KDM4B: variants seen among roughly 807,000 people sequenced by gnomAD.
KDM4B encodes lysine demethylase 4B, also known as lysine-specific demethylase 4B.
Under a neutral mutation model 125.2 loss-of-function variants are expected in KDM4B, and 32 were observed. The observed-to-expected ratio is 0.26, with a 90% CI of 0.19 to 0.34. KDM4B has a LOEUF of 0.34. Among genes scored for constraint, KDM4B ranks in the 10% least tolerant of loss-of-function variants. KDM4B has a pLI of 1.00. For missense variants in KDM4B, 1,190 were observed against 1,577.7 expected (o/e 0.75, Z 4.16); for synonymous variants, 721 against 677.9 (o/e 1.06, Z -0.99).
rs993122546 is a variant in KDM4B at position 5,142,984 on chromosome 19, G to A, written c.2551-983G>A. On this transcript the variant is annotated intron_variant, in intron 18 of 22. Coordinates refer to ENST00000159111, the MANE Select transcript of KDM4B (RefSeq NM_015015.3). The surrounding 1 kb of genome is among the most constrained non-coding windows in gnomAD (Gnocchi z 5.4). Reference sequence around the variant, plus strand: ...CTCAAGGGATGAAAGGTGGCTCTCCGGTGCTCCCTCCTCACCAAGGAGGCT... The same window carrying A: ...CTCAAGGGATGAAAGGTGGCTCTCCAGTGCTCCCTCCTCACCAAGGAGGCT... Among the ~76,000 whole-genome samples the A allele has an allele frequency of 6.6e-6, 1 of 151,986 alleles. No individual in the cohort carries two copies.
rs776843876 is a variant in KDM4B, at chr19:5,137,602, G to T, written c.2386-19G>T. ...CCTGCTCCGAGCCCTGCTCATCCAG[G>T]GCTGTCTGGTCTCCACAGGAGTGCT... On this transcript the variant is annotated intron_variant, in intron 16 of 22. Transcript: ENST00000159111. 1.2e-6 allele frequency: 2 copies of T among 1,602,226 alleles called. No homozygotes were observed. Among genetic ancestry groups the T allele is most frequent in the South Asian group, 2.2e-5 (2 of 89,746 alleles).
At chr19:5,005,558 C>T (rs925868226) in intron 1 of KDM4B, among the ~76,000 whole-genome samples, 36 of 152,270 alleles carry the variant, frequency 2.4e-4, no homozygotes, top group African/African-American at 8.7e-4. Flanking sequence ...GCCTCACCCT[C>T]CTCCGGGCCT....
intron 20 of KDM4B, 53 bp downstream of exon 20, chr19:5,144,465 A>G: frequency 8.2e-7 from 1 of 1,224,076 alleles, no homozygotes; most frequent in East Asian, 3.8e-5. Context: ...CACAGCGACA[A>G]CCTGTACCCT....
chr19:5,071,478 C>T lies in KDM4B; in HGVS notation c.676+419C>T, dbSNP rs189743285. Among the ~76,000 whole-genome samples, 879 of 152,354 alleles carry T rather than the reference C, an allele frequency of 5.8e-3. 9 individuals carry two copies. The highest frequency in any genetic ancestry group is 0.02 in the African/African-American group (830 of 41,576). Reference sequence around the variant, plus strand: ...ATTCAGCCAGCAGTCCGCTTACCTGCGGGGGAGCAGACATGGTGGCCGCAC... The same window carrying T: ...ATTCAGCCAGCAGTCCGCTTACCTGTGGGGGAGCAGACATGGTGGCCGCAC... On this transcript the variant is annotated intron_variant, in intron 7 of 22. Transcript: ENST00000159111.
At chr19:4,996,750 G>C (rs1291311260) in intron 1 of KDM4B, among the ~76,000 whole-genome samples, 1 of 152,156 alleles carries the variant, frequency 6.6e-6, no homozygotes, top group African/African-American at 2.4e-5. Context: ...TGAGTTGCCA[G>C]TTCATAGCCT....
At chr19:4,973,840 A>C (rs1308536937) in intron 1 of KDM4B, among the ~76,000 whole-genome samples, 7 of 151,482 alleles carry the variant, frequency 4.6e-5, no homozygotes, top group African/African-American at 1.7e-4. Flanking sequence ...AAAAAAAAAA[A>C]AAAAACTGGC....
At chr19:5,050,048 A>G (rs1224288737) in intron 6 of KDM4B, among the ~76,000 whole-genome samples, 2 of 152,220 alleles carry the variant, frequency 1.3e-5, no homozygotes, top group South Asian at 2.1e-4. Flanking sequence ...CTCCCAGCCA[A>G]GAGATCACCA....
In KDM4B at chr19:5,035,467, G is replaced by T. The variant is rs141587293; in HGVS notation, c.141+2436G>T. Among the ~76,000 whole-genome samples the T allele has an allele frequency of 6.6e-6, 1 of 152,112 alleles. No homozygotes were observed. The highest frequency in any genetic ancestry group is 1.9e-4 in the East Asian group (1 of 5,154). ...CCGGGCTCCATGCCCCGGTGTTTCC[G>T]GCTCTCTCTGCCCTCCACGTGGCGG... On this transcript the variant is annotated intron_variant, in intron 3 of 22. Coordinates refer to ENST00000159111, the MANE Select transcript of KDM4B (RefSeq NM_015015.3). This position sits in a 1 kb window ranked among gnomAD's most constrained non-coding sequence, Gnocchi z 5.3.
chr19:5,017,662 T>C (rs1365887712), intron 2 of KDM4B, among the ~76,000 whole-genome samples: 2 of 152,224 alleles, frequency 1.3e-5, no homozygotes, highest in East Asian at 3.8e-4. Context: ...AAAACTCAGC[T>C]GTTTTCTTTG....
chr19:5,045,337 CTG>C (rs1408800261), intron 5 of KDM4B, among the ~76,000 whole-genome samples: 2 of 152,230 alleles, frequency 1.3e-5, no homozygotes, highest in African/African-American at 4.8e-5. Flanking sequence ...TGTTTGCCAT[CTG>C]TGTGTTTCCT....
chr19:5,101,524 C>G (rs910878153), intron 9 of KDM4B, among the ~76,000 whole-genome samples: 4 of 150,100 alleles, frequency 2.7e-5, no homozygotes, highest in Non-Finnish European at 5.9e-5. Context: ...TAGAGTAAGA[C>G]TGTCTGAAAA....
rs2146127693 is a variant in KDM4B at position 5,151,483 on chromosome 19, T to C, written c.3263T>C (p.Val1088Ala). ...YVAFVESLLQ[V>A]QGRPGAPF is the part of the protein sequence containing the mutation. The stretch of plus-strand genomic sequence containing the variant: ...GCCTTCGTGGAGAGCCTCCTGCAGG[T>C]GCAGGGCCGGCCCGGAGCCCCCTTC... The change falls in exon 23 of 23, where the codon GTG (valine) becomes GCG (alanine). Residue 1088 changes from valine (V) to alanine (A), a missense_variant. Transcript: ENST00000159111. The C allele has an allele frequency of 6.8e-7, 1 of 1,480,350 alleles. No individual in the cohort carries two copies. Among genetic ancestry groups the C allele is most frequent in the African/African-American group, 1.4e-5 (1 of 69,404 alleles). The allele number at this position is 1,480,350 out of a possible 1,614,324, so 91.7% of individuals were successfully genotyped here. A position where few individuals can be genotyped will look rare whatever the true frequency, so the allele number is the denominator to read the frequency against.
chr19:5,124,323 T>C (rs368878200), intron 11 of KDM4B, among the ~76,000 whole-genome samples: 66 of 152,234 alleles, frequency 4.3e-4, no homozygotes, highest in South Asian at 3.3e-3. Flanking sequence ...GGCAGGCTGC[T>C]GCCGCCGCCG....
In KDM4B at chr19:5,135,501, G is replaced by A. The variant is rs766027488; in HGVS notation, c.2248G>A (p.Gly750Ser). The A allele has an allele frequency of 3.7e-6, 6 of 1,611,720 alleles. No individual in the cohort carries two copies. Among genetic ancestry groups the A allele is most frequent in the Admixed American group, 1.7e-5 (1 of 59,896 alleles). Residue 750 changes from glycine to serine, a missense_variant, in exon 15 of 23, where the codon GGC (glycine) becomes AGC (serine). By Grantham distance (56) the Gly-to-Ser change is moderately conservative. Coordinates refer to ENST00000159111, the MANE Select transcript of KDM4B (RefSeq NM_015015.3). ...GCCGCTGCCTGCCAACTCCTACATCGGCGACGACGGGACCAGCCCCCTGAT... is the reference window on the plus strand; with the variant it reads ...GCCGCTGCCTGCCAACTCCTACATCAGCGACGACGGGACCAGCCCCCTGAT... ...TEPLPANSYI[G>S]DDGTSPLIAC...
intron 1 of KDM4B, among the ~76,000 whole-genome samples, chr19:5,001,603 G>A (rs1261092981): frequency 2.0e-5 from 3 of 152,186 alleles, no homozygotes; most frequent in African/African-American, 7.2e-5. Context: ...GTAGATTTTC[G>A]TGAGTGGGAT....
rs1599577915 is a variant in KDM4B at position 5,082,524 on chromosome 19, G to C, written c.918+20G>C. The C allele has an allele frequency of 2.5e-6, 4 of 1,575,326 alleles. No homozygotes were observed. In the East Asian group the frequency reaches 9.0e-5, roughly 35 times the overall value. On this transcript the variant is annotated intron_variant, in intron 9 of 22. Coordinates refer to ENST00000159111, the MANE Select transcript of KDM4B (RefSeq NM_015015.3). The surrounding 1 kb of genome is among the most constrained non-coding windows in gnomAD (Gnocchi z 5.4). ...ACTCAGGTAAAAGCTTGCCTGCTGG[G>C]AACGGGTCCCAGCAGGGCGGGAGGA...
chr19:5,093,489 C>A (rs906470752), intron 9 of KDM4B, among the ~76,000 whole-genome samples: 1 of 152,172 alleles, frequency 6.6e-6, no homozygotes, highest in African/African-American at 2.4e-5. Flanking sequence ...ACGCGGCTGC[C>A]GAGCACTTCC....
In KDM4B at chr19:5,055,875, C is replaced by T. The variant is rs560057304; in HGVS notation, c.626+8206C>T. 2.4e-4 allele frequency among the ~76,000 whole-genome samples: 36 copies of T among 152,276 alleles called. No individual in the cohort carries two copies. The South Asian group carries it at 2.5e-3, about 11-fold the overall frequency. ...ACCACAGAGAGTTCCCCACCGGGTT[C>T]CCTGTTATGAGCATTCTATATCAAT... On this transcript the variant is annotated intron_variant, in intron 6 of 22. Transcript: ENST00000159111.
At chr19:5,086,950 C>T (rs2038521639) in intron 9 of KDM4B, among the ~76,000 whole-genome samples, 1 of 152,262 alleles carries the variant, frequency 6.6e-6, no homozygotes, top group Admixed American at 6.5e-5. Flanking sequence ...GATCTCCCTG[C>T]AGCAGGTGGC....
Sources: gnomAD v4.1 joint callset for allele counts (sites outside exome capture counted in the v4.1 genomes callset) on GRCh38, gnomAD v4.1.1 for gene constraint, Gnocchi (gnomAD v3.1) non-coding constraint, MANE v1.5 for transcripts, NCBI Gene and HGNC (gene_info 2026-07-23, HGNC 2026-07-21) for gene names.